Variants in CSTL1 observed in about 807,000 individuals in gnomAD.
CSTL1 encodes the protein cystatin-like 1.
In CSTL1, 14 loss-of-function variants were observed where a neutral mutation model predicts 14.4. The ratio of observed to expected loss-of-function variants is 0.97; its 90% CI spans 0.64 to 1.52. CSTL1 has a LOEUF of 1.52. CSTL1 is among the 40% of genes most tolerant of loss of function. The pLI, the probability that CSTL1 is intolerant of heterozygous loss-of-function variation, is 0.00. For synonymous variants in CSTL1, 72 were observed against 67.5 expected (o/e 1.07, Z -0.33); for missense variants, 170 against 168.7 (o/e 1.01, Z -0.04).
At chr20:23,457,200 C>T in the CSTL1 span, among the ~76,000 whole-genome samples, 2 of 152,180 alleles carry the variant, frequency 1.3e-5, no homozygotes, top group African/African-American at 4.8e-5. Context: ...TCCTTCTCTG[C>T]TCTGGACCAT....
chr20:23,453,153 G>C, the CSTL1 span, among the ~76,000 whole-genome samples: 1 of 151,662 alleles, frequency 6.6e-6, no homozygotes, highest in East Asian at 1.9e-4. Context: ...CTGGAGGATG[G>C]TAGCTGCTGG....
chr20:23,448,385 G>T (rs1214508972), downstream of CSTL1, among the ~76,000 whole-genome samples: 1 of 152,220 alleles, frequency 6.6e-6, no homozygotes, highest in South Asian at 2.1e-4. Flanking sequence ...AGGCAGCACA[G>T]CAGAGCTCTC....
downstream of CSTL1, among the ~76,000 whole-genome samples, chr20:23,447,467 CTTTT>C (rs34114094): frequency 3.7e-5 from 5 of 136,796 alleles, no homozygotes; most frequent in Admixed American, 7.3e-5. Flanking sequence ...TTTTCTTTTT[CTTTT>C]TTTTTTTTTT....
At chr20:23,452,722 G>T in the CSTL1 span, 1 of 1,614,172 alleles carries the variant, frequency 6.2e-7, no homozygotes, top group Non-Finnish European at 8.5e-7. Context: ...CGCTTAGAAA[G>T]GTTTTCTTCC....
chr20:23,460,516 G>A, the CSTL1 span, among the ~76,000 whole-genome samples: 1 of 152,068 alleles, frequency 6.6e-6, no homozygotes, highest in African/African-American at 2.4e-5. Flanking sequence ...TGTAATCATG[G>A]GGATGTCAAT....
chr20:23,454,883 G>C, the CSTL1 span, among the ~76,000 whole-genome samples: 10 of 152,226 alleles, frequency 6.6e-5, no homozygotes, highest in Non-Finnish European at 1.5e-4. Flanking sequence ...GGGACTGCCT[G>C]CAATAAAGAC....
intron 2 of CSTL1, among the ~76,000 whole-genome samples, chr20:23,441,869 G>A (rs181349636): frequency 1.6e-3 from 240 of 152,294 alleles, no homozygotes; most frequent in Middle Eastern, 6.8e-3. Flanking sequence ...AAGCTCTCTC[G>A]CCAGAGAGTA....
chr20:23,452,343 C>A, the CSTL1 span, among the ~76,000 whole-genome samples: 1 of 152,214 alleles, frequency 6.6e-6, no homozygotes, highest in African/African-American at 2.4e-5. Flanking sequence ...AAGAACACGA[C>A]TTACAAAAGT....
downstream of CSTL1, among the ~76,000 whole-genome samples, chr20:23,449,410 A>ATG (rs930262449): frequency 1.3e-5 from 2 of 151,644 alleles, no homozygotes; most frequent in Non-Finnish European, 2.9e-5. Context: ...GTGTGTGTGT[A>ATG]TGTGTGTGTG....
Position 23,440,128 on chromosome 20 carries a change from C to A in CSTL1, c.-124-16C>A. The A allele has an allele frequency of 1.3e-6, 1 of 759,098 alleles. No individual in the cohort carries two copies. The highest frequency in any genetic ancestry group is 2.2e-6 in the Non-Finnish European group (1 of 456,534). The allele number at this position is 759,098 out of a possible 1,614,324, so 47.0% of individuals were successfully genotyped here. Reference sequence around the variant, plus strand: ...TGAGTGACAAGGTTCAGGTCTGAATCTCTGTTTAAATGCAGGCAGGCCATC... The same window carrying A: ...TGAGTGACAAGGTTCAGGTCTGAATATCTGTTTAAATGCAGGCAGGCCATC... On this transcript the variant is annotated splice_polypyrimidine_tract_variant and intron_variant, in intron 1 of 3. Transcript: ENST00000347397.
At chr20:23,454,393 CACAT>C in the CSTL1 span, among the ~76,000 whole-genome samples, 10 of 151,846 alleles carry the variant, frequency 6.6e-5, no homozygotes, top group South Asian at 2.1e-4. Context: ...ACACACAACA[CACAT>C]AGACACACCC....
downstream of CSTL1, among the ~76,000 whole-genome samples, chr20:23,448,937 A>T (rs1485347653): frequency 6.6e-6 from 1 of 152,244 alleles, no homozygotes; most frequent in African/African-American, 2.4e-5. Flanking sequence ...TCAGTTAAAG[A>T]TGAAGACATT....
chr20:23,444,975 GCA>G (rs1216121349), downstream of CSTL1: 1 of 793,320 alleles, frequency 1.3e-6, no homozygotes, highest in African/African-American at 1.7e-5. Flanking sequence ...ACACACACAT[GCA>G]CACACAGAGT....
the CSTL1 span, among the ~76,000 whole-genome samples, chr20:23,455,566 G>A: frequency 2.0e-5 from 3 of 152,198 alleles, no homozygotes; most frequent in Non-Finnish European, 4.4e-5. Flanking sequence ...ATGTCTGTGG[G>A]GTCTGACTGT....
the CSTL1 span, among the ~76,000 whole-genome samples, chr20:23,454,993 G>A: frequency 2.6e-5 from 4 of 152,164 alleles, no homozygotes; most frequent in African/African-American, 9.7e-5. Context: ...GTAAATTGCT[G>A]ACTCAGTTAC....
At chr20:23,449,389 C>CGTGTGTATGTGTGT (rs577983455), downstream of CSTL1, among the ~76,000 whole-genome samples, 583 of 152,000 alleles carry the variant, frequency 3.8e-3, 2 homozygotes, top group Non-Finnish European at 6.2e-3. Context: ...GCTGTAATGC[C>CGTGTGTATGTGTGT]GTGTGTATGT....
At chr20:23,461,164 C>T in the CSTL1 span, among the ~76,000 whole-genome samples, 1 of 152,192 alleles carries the variant, frequency 6.6e-6, no homozygotes, top group South Asian at 2.1e-4. Flanking sequence ...TCACTGAAGG[C>T]ACAGATTGTT....
the CSTL1 span, among the ~76,000 whole-genome samples, chr20:23,460,937 G>A: frequency 7.2e-5 from 11 of 152,276 alleles, no homozygotes; most frequent in East Asian, 2.1e-3. Context: ...TGCCCACAAG[G>A]AAATTCCTGG....
At chr20:23,445,021 C>T, downstream of CSTL1, 1 of 658,366 alleles carries the variant, frequency 1.5e-6, no homozygotes. Flanking sequence ...TACTTACCTT[C>T]ACAACCCACA....
Sources: allele counts gnomAD v4.1 joint callset (sites outside exome capture counted in the v4.1 genomes callset), GRCh38; gene constraint gnomAD v4.1.1; transcripts MANE v1.5; gene names NCBI Gene and HGNC (gene_info 2026-07-23, HGNC 2026-07-21).